ATRN: variants seen among roughly 807,000 people sequenced by gnomAD.
The protein encoded by ATRN is attractin-2.
A neutral mutation model predicts 178.7 loss-of-function variants in ATRN; 54 were observed. The ratio of observed to expected loss-of-function variants is 0.30; its 90% CI spans 0.24 to 0.38. The LOEUF (loss-of-function observed/expected upper bound fraction) is 0.38, where lower values mean the gene tolerates loss of function less well. ATRN is among the 10% of genes least tolerant of loss of function. The pLI is 1.00. For missense variants in ATRN, 1,443 were observed against 1,815.1 expected (o/e 0.79, Z 3.73); for synonymous variants, 636 against 663.0 (o/e 0.96, Z 0.63).
At chr20:3,584,148 G>A in intron 17 of ATRN, 65 bp downstream of exon 17, 1 of 1,513,936 alleles carries the variant, frequency 6.6e-7, no homozygotes, top group Non-Finnish European at 9.1e-7. Context: ...ACTCAGCCAT[G>A]AGGCTGTGCT....
chr20:3,503,446 A>G (rs981515136), intron 1 of ATRN, among the ~76,000 whole-genome samples: 1 of 152,240 alleles, frequency 6.6e-6, no homozygotes, highest in African/African-American at 2.4e-5. Flanking sequence ...AGCATCCATC[A>G]TAAAAATGCT....
intron 1 of ATRN, among the ~76,000 whole-genome samples, chr20:3,492,875 GCACACACACA>G (rs376260361): frequency 6.6e-5 from 7 of 106,792 alleles, no homozygotes; most frequent in African/African-American, 2.2e-4. Context: ...GCGTGCGCAC[GCACACACACA>G]CACACACACA....
Position 3,630,964 on chromosome 20 carries a change from T to TTTTTTTTTTTTTTTTTTTG in ATRN, c.3864-3347_3864-3346insTTTTTTTTTTTTTTTTTTG, listed in dbSNP as rs1307722255. Among the ~76,000 whole-genome samples the TTTTTTTTTTTTTTTTTTTG allele has an allele frequency of 6.8e-5, 5 of 73,430 alleles. 1 individual carries two copies. The highest frequency in any genetic ancestry group is 1.0e-4 in the Non-Finnish European group (4 of 39,838). The allele number at this position is 73,430 out of a possible 152,430, so 48.2% of individuals were successfully genotyped here. On this transcript the variant is annotated intron_variant, in intron 25 of 28. Coordinates refer to ENST00000262919, the MANE Select transcript of ATRN (RefSeq NM_139321.3). Reference sequence around the variant, plus strand: ...TTTTTTTTTTTTTTTTTTTTTTTTTTGGGATAGGGTCTCTGTTGCCCAGGC... The same window carrying TTTTTTTTTTTTTTTTTTTG: ...TTTTTTTTTTTTTTTTTTTTTTTTTTTTTTTTTTTTTTTTTTTTGGGGATAGGGTCTCTGTTGCCCAGGC...
intron 11 of ATRN, among the ~76,000 whole-genome samples, chr20:3,572,266 A>G (rs2086136357): frequency 6.6e-6 from 1 of 152,188 alleles, no homozygotes; most frequent in African/African-American, 2.4e-5. Context: ...TTAGCATTAA[A>G]AGATGTGAGC....
At chr20:3,605,852 C>T (rs1338212661) in intron 24 of ATRN, among the ~76,000 whole-genome samples, 2 of 152,098 alleles carry the variant, frequency 1.3e-5, no homozygotes, top group African/African-American at 2.4e-5. Context: ...CTGTGGCACA[C>T]GTTTACCTAT....
At chr20:3,575,975 A>G in intron 13 of ATRN, 27 bp downstream of exon 13, 3 of 1,609,792 alleles carry the variant, frequency 1.9e-6, no homozygotes, top group Non-Finnish European at 2.5e-6. Flanking sequence ...TAAAGATTTC[A>G]GAAAAATCCC....
At position 3,649,984 on chromosome 20, in the gene ATRN, G is replaced by C. The variant is rs564031232; in HGVS notation, c.*3137G>C. The C allele has an allele frequency of 3.3e-5, 5 of 152,332 alleles. No individual in the cohort carries two copies. The highest frequency in any genetic ancestry group is 7.3e-5 in the Non-Finnish European group (5 of 68,082). The allele number at this position is 152,332 out of a possible 1,614,324, so 9.4% of individuals were successfully genotyped here. A position where few individuals can be genotyped will look rare whatever the true frequency, so the allele number is the denominator to read the frequency against. ...ATCCCTGCACACAGCCTGGGGAGAA[G>C]CCTGTGCCTCCCCGTGTGGAGAGAA... On this transcript the variant is annotated 3_prime_UTR_variant, in exon 29 of 29. Coordinates refer to ENST00000262919, the MANE Select transcript of ATRN (RefSeq NM_139321.3).
intron 21 of ATRN, among the ~76,000 whole-genome samples, chr20:3,597,252 A>T (rs2086544551): frequency 6.6e-6 from 1 of 151,966 alleles, no homozygotes; most frequent in Non-Finnish European, 1.5e-5. Context: ...TAGAGAAAAT[A>T]CTCGCACATC....
intron 1 of ATRN, among the ~76,000 whole-genome samples, chr20:3,474,757 A>G (rs1340243512): frequency 7.1e-6 from 1 of 140,616 alleles, no homozygotes; most frequent in Non-Finnish European, 1.6e-5. Context: ...GTCGAGGCCA[A>G]GCGCGGTGAC....
chr20:3,490,928 C>G, intron 1 of ATRN: 1 of 1,388,538 alleles, frequency 7.2e-7, no homozygotes, highest in Non-Finnish European at 1.0e-6. Flanking sequence ...TCTTAGTGAG[C>G]ATCTCTTTGG....
At chr20:3,553,672 G>A (rs1352750314) in intron 6 of ATRN, among the ~76,000 whole-genome samples, 3 of 152,074 alleles carry the variant, frequency 2.0e-5, no homozygotes, top group East Asian at 3.9e-4. Flanking sequence ...CCACCAACCT[G>A]CTTTCTTACT....
chr20:3,634,159 C>T (rs1457915227), intron 25 of ATRN, 152 bp from the exon 26 acceptor site: 1 of 636,404 alleles, frequency 1.6e-6, no homozygotes. Context: ...CTCATTACCT[C>T]CTGAGCCGGC....
In ATRN at chr20:3,646,954, A is replaced by G. The variant is rs1403810296; in HGVS notation, c.*107A>G. 1 of 1,401,468 alleles carries G rather than the reference A, an allele frequency of 7.1e-7. No individual in the cohort carries two copies. The highest frequency in any genetic ancestry group is 9.5e-7 in the Non-Finnish European group (1 of 1,056,506). The allele number at this position is 1,401,468 out of a possible 1,614,324, so 86.8% of individuals were successfully genotyped here. ...ATGGCTGTGCGGTGCGGGACGGAAG[A>G]CTGGAAACCCTCAAAGCATCTGACT... On this transcript the variant is annotated 3_prime_UTR_variant, in exon 29 of 29. Transcript: ENST00000262919.
chr20:3,549,936 G>A (rs1226788444), intron 6 of ATRN, among the ~76,000 whole-genome samples: 2 of 152,202 alleles, frequency 1.3e-5, no homozygotes, highest in South Asian at 2.1e-4. Flanking sequence ...AAATATGGCA[G>A]TGGTGGCCTA....
At chr20:3,484,077 A>G (rs1005136516) in intron 1 of ATRN, among the ~76,000 whole-genome samples, 2 of 152,036 alleles carry the variant, frequency 1.3e-5, no homozygotes, top group Admixed American at 6.6e-5. Context: ...GGGAGACCCC[A>G]TCTCTATAAA....
intron 27 of ATRN, among the ~76,000 whole-genome samples, chr20:3,643,556 A>G (rs550296764): frequency 6.6e-6 from 1 of 152,218 alleles, no homozygotes; most frequent in African/African-American, 2.4e-5. Context: ...AATATAGGGG[A>G]CAAATCTCAT....
At chr20:3,566,107 T>C (rs767440613) in intron 11 of ATRN, among the ~76,000 whole-genome samples, 4 of 152,118 alleles carry the variant, frequency 2.6e-5, no homozygotes, top group Non-Finnish European at 4.4e-5. Flanking sequence ...AAGTTCCTAG[T>C]AGTTGTATCT....
Position 3,471,080 on chromosome 20 carries a change from C to A in ATRN, c.-28C>A. The A allele has an allele frequency of 6.7e-7, 1 of 1,501,442 alleles. No individual in the cohort carries two copies. Among genetic ancestry groups the A allele is most frequent in the South Asian group, 1.2e-5 (1 of 81,742 alleles). 93.0% of individuals were successfully genotyped at this position (1,501,442 alleles called of 1,614,324 possible). A position where few individuals can be genotyped will look rare whatever the true frequency, so the allele number is the denominator to read the frequency against. ...GCCGTGCGGTGTGTGTGTATGTGTTCGCGGGGCGCCGTCTCAGCCCCGGGA... is the reference window on the plus strand; with the variant it reads ...GCCGTGCGGTGTGTGTGTATGTGTTAGCGGGGCGCCGTCTCAGCCCCGGGA... On this transcript the variant is annotated 5_prime_UTR_variant, in exon 1 of 29. The change creates a premature stop within an existing upstream ORF in the 5' untranslated region. Coordinates refer to ENST00000262919, the MANE Select transcript of ATRN (RefSeq NM_139321.3).
At chr20:3,485,226 G>C (rs1352034460) in intron 1 of ATRN, among the ~76,000 whole-genome samples, 2 of 152,152 alleles carry the variant, frequency 1.3e-5, no homozygotes, top group South Asian at 4.1e-4. Flanking sequence ...CTGGTAGCTT[G>C]TGTGTGGATT....
Sources: allele counts gnomAD v4.1 joint callset (sites outside exome capture counted in the v4.1 genomes callset), GRCh38; gene constraint gnomAD v4.1.1; transcripts MANE v1.5; gene names NCBI Gene and HGNC (gene_info 2026-07-23, HGNC 2026-07-21).